The following SOBP variants were observed in gnomAD, a reference collection of about 807,000 sequenced individuals.
The protein encoded by SOBP is sine oculis-binding protein homolog.
SOBP carries 4 observed loss-of-function variants against 53.6 expected under a neutral mutation model. The observed-to-expected ratio is 0.07, with a 90% CI of 0.04 to 0.17. The LOEUF is 0.17. Among genes scored for constraint, SOBP ranks in the 10% least tolerant of loss-of-function variants. SOBP has a pLI of 1.00. For synonymous variants in SOBP, 584 were observed against 522.6 expected (o/e 1.12, Z -1.60); for missense variants, 1,088 against 1,204.7 (o/e 0.90, Z 1.43).
In SOBP at chr6:107,634,648, T is replaced by A. The variant is rs775202084; in HGVS notation, c.1804T>A (p.Ser602Thr). Residue 602 changes from serine (S) to threonine (T), a missense_variant, in exon 6 of 7, where the codon TCG (serine) becomes ACG (threonine). Around this residue, in one of 6 missense-constraint regions of SOBP, gnomAD observed 665 missense variants for 629.7 expected, o/e 1.06. Transcript: ENST00000317357. This position sits in a 1 kb window ranked among gnomAD's most constrained non-coding sequence, Gnocchi z 4.5. ...SKSADSPPGCSGQALSLAPTP... is the reference protein window; with the variant it reads ...SKSADSPPGCTGQALSLAPTP... ...GTCCGCGGACTCGCCCCCCGGCTGC[T>A]CGGGCCAGGCCCTGAGCCTGGCGCC... 1 of 1,567,312 alleles carries A rather than the reference T, an allele frequency of 6.4e-7. No homozygotes were observed. The highest frequency in any genetic ancestry group is 8.6e-7 in the Non-Finnish European group (1 of 1,163,092).
intron 4 of SOBP, among the ~76,000 whole-genome samples, chr6:107,553,840 T>C (rs1784535476): frequency 6.6e-6 from 1 of 152,152 alleles, no homozygotes; most frequent in Non-Finnish European, 1.5e-5. Flanking sequence ...CAGACTGGTC[T>C]TGAACTCCTG....
intron 1 of SOBP, among the ~76,000 whole-genome samples, chr6:107,492,396 T>C (rs926858209): frequency 6.6e-6 from 1 of 152,148 alleles, no homozygotes; most frequent in East Asian, 1.9e-4. Flanking sequence ...CCTAATGTGA[T>C]CTATATGGAT....
chr6:107,559,210 T>G (rs1784705571), intron 4 of SOBP, among the ~76,000 whole-genome samples: 1 of 152,230 alleles, frequency 6.6e-6, no homozygotes, highest in Non-Finnish European at 1.5e-5. Context: ...AAAAGCTAGC[T>G]TATAAACGAG....
At chr6:107,656,407 C>A (rs1772069479) in intron 6 of SOBP, among the ~76,000 whole-genome samples, 1 of 152,012 alleles carries the variant, frequency 6.6e-6, no homozygotes, top group African/African-American at 2.4e-5. Context: ...AAATAAATAT[C>A]CACATTTCCA....
intron 5 of SOBP, among the ~76,000 whole-genome samples, chr6:107,631,815 TTGA>T (rs1770726487): frequency 6.6e-6 from 1 of 152,252 alleles, no homozygotes; most frequent in Admixed American, 6.5e-5. Flanking sequence ...AACGGGCAAT[TTGA>T]TGAGACTAAA....
At chr6:107,490,746 G>A (rs1017494787) in intron 1 of SOBP, 34 bp downstream of exon 1, 2 of 1,486,164 alleles carry the variant, frequency 1.3e-6, no homozygotes, top group Non-Finnish European at 1.8e-6. Context: ...GGGAGACTGA[G>A]CTCTTTCTTG....
intron 4 of SOBP, among the ~76,000 whole-genome samples, chr6:107,534,397 A>G (rs1330617889): frequency 6.6e-6 from 1 of 152,226 alleles, no homozygotes; most frequent in Non-Finnish European, 1.5e-5. Context: ...GCCACCAACT[A>G]CTGCGGTAAC....
intron 5 of SOBP, among the ~76,000 whole-genome samples, chr6:107,598,298 A>G (rs1203390160): frequency 6.6e-6 from 1 of 152,230 alleles, no homozygotes; most frequent in African/African-American, 2.4e-5. Context: ...GTATGTGTGC[A>G]ATAAGGAAGT....
At chr6:107,602,972 CAA>C (rs35388425) in intron 5 of SOBP, among the ~76,000 whole-genome samples, 34 of 144,118 alleles carry the variant, frequency 2.4e-4, no homozygotes, top group East Asian at 9.9e-4. Flanking sequence ...CCGTCCCCCA[CAA>C]AAAAAAAAAA....
chr6:107,529,555 A>T (rs1033689988), intron 3 of SOBP: 2 of 985,322 alleles, frequency 2.0e-6, no homozygotes, highest in African/African-American at 1.7e-5. Context: ...GTAAATCTAC[A>T]GTTTAATTGC....
At chr6:107,648,851 G>A (rs943688012) in intron 6 of SOBP, among the ~76,000 whole-genome samples, 1 of 152,080 alleles carries the variant, frequency 6.6e-6, no homozygotes, top group African/African-American at 2.4e-5. Context: ...GCTTCCAAGT[G>A]AAATAAGTAT....
intron 3 of SOBP, among the ~76,000 whole-genome samples, chr6:107,509,142 C>T (rs2114954011): frequency 6.6e-6 from 1 of 152,332 alleles, no homozygotes; most frequent in Non-Finnish European, 1.5e-5. Context: ...TGCCTGTAAT[C>T]CCAGCACTTT....
At chr6:107,524,650 T>C (rs1414344599) in intron 3 of SOBP, among the ~76,000 whole-genome samples, 1 of 152,210 alleles carries the variant, frequency 6.6e-6, no homozygotes, top group East Asian at 1.9e-4. Flanking sequence ...TGAGGACTAG[T>C]AGGTGTTGGT....
At chr6:107,639,344 C>G (rs900848979) in intron 6 of SOBP, among the ~76,000 whole-genome samples, 5 of 151,780 alleles carry the variant, frequency 3.3e-5, no homozygotes, top group Admixed American at 3.3e-4. Context: ...TTTTTTTTCC[C>G]CATTTGGAAA....
Position 107,506,323 on chromosome 6 carries a change from C to T in SOBP, c.317C>T (p.Ala106Val). Residue 106 changes from alanine to valine, a missense_variant, in exon 3 of 7, where the codon GCC becomes GTC. Ala to Val is a moderately conservative substitution (Grantham distance 64). This residue lies in a region of SOBP where 112 missense variants were observed against 117.9 expected (regional missense o/e 0.95). Transcript: ENST00000317357. The part of the protein sequence containing the change: ...YNISTGYSGL[A>V]TGNGLSDSPA... ...ATAAGCACAGGCTATTCAGGGCTTGCCACTGGAAATGGACTCAGTGACTCA... is the reference window on the plus strand; with the variant it reads ...ATAAGCACAGGCTATTCAGGGCTTGTCACTGGAAATGGACTCAGTGACTCA... 1.9e-6 allele frequency: 3 copies of T among 1,614,158 alleles called. No individual in the cohort carries two copies. Among genetic ancestry groups the T allele is most frequent in the Non-Finnish European group, 2.5e-6 (3 of 1,180,006 alleles).
At chr6:107,616,715 C>T (rs1009279735) in intron 5 of SOBP, among the ~76,000 whole-genome samples, 23 of 152,178 alleles carry the variant, frequency 1.5e-4, no homozygotes, top group African/African-American at 2.2e-4. Flanking sequence ...AGGGGCCGAG[C>T]GTGGATTCGG....
At chr6:107,606,801 C>T (rs1786402270) in intron 5 of SOBP, among the ~76,000 whole-genome samples, 2 of 152,324 alleles carry the variant, frequency 1.3e-5, no homozygotes, top group South Asian at 4.1e-4. Flanking sequence ...TCTGCTCAGG[C>T]AGATGAATGT....
intron 3 of SOBP, among the ~76,000 whole-genome samples, chr6:107,523,504 T>C (rs1022918210): frequency 6.6e-6 from 1 of 152,154 alleles, no homozygotes; most frequent in African/African-American, 2.4e-5. Flanking sequence ...CAGTTCAGGG[T>C]ATTGAGGGAA....
intron 4 of SOBP, among the ~76,000 whole-genome samples, chr6:107,556,226 G>A (rs1011496830): frequency 6.6e-6 from 1 of 152,194 alleles, no homozygotes; most frequent in African/African-American, 2.4e-5. Context: ...GTCAAGGGTG[G>A]TGTCTAATGA....
Sources: allele counts gnomAD v4.1 joint callset (sites outside exome capture counted in the v4.1 genomes callset), GRCh38; gene constraint gnomAD v4.1.1; regional missense constraint gnomAD v4.1.1; non-coding constraint Gnocchi (gnomAD v3.1); transcripts MANE v1.5; gene names NCBI Gene and HGNC (gene_info 2026-07-23, HGNC 2026-07-21).